The following MAGI2 variants were observed in gnomAD, a reference collection of about 807,000 sequenced individuals.
MAGI2 encodes the protein membrane-associated guanylate kinase, WW and PDZ domain-containing protein 2.
MAGI2 carries 35 observed loss-of-function variants against 133.3 expected under a neutral mutation model. The ratio of observed to expected loss-of-function variants is 0.26; its 90% confidence interval spans 0.20 to 0.35. The LOEUF (loss-of-function observed/expected upper bound fraction) is 0.35, where lower values mean the gene tolerates loss of function less well. Ranked by LOEUF, MAGI2 falls within the 10% of genes least tolerant of loss-of-function variation. The probability of loss-of-function intolerance (pLI) is 1.00; values close to 1 mark genes in which losing one functional copy is unlikely to be tolerated. For missense variants in MAGI2, 1,636 were observed against 1,863.4 expected, an observed-to-expected ratio of 0.88 and a Z score of 2.25; for synonymous variants, 729 against 710.6, an observed-to-expected ratio of 1.03 and a Z score of -0.41.
intron 1 of MAGI2, among the ~76,000 whole-genome samples, chr7:79,051,706 A>C (rs902170280): frequency 2.0e-5 from 3 of 152,210 alleles, no homozygotes; most frequent in Admixed American, 2.0e-4. Flanking sequence ...TATACAAGAA[A>C]AAATGTAATG....
intron 2 of MAGI2, among the ~76,000 whole-genome samples, chr7:78,655,408 AC>A (rs1812073016): frequency 6.7e-6 from 1 of 148,308 alleles, no homozygotes; most frequent in African/African-American, 2.5e-5. Context: ...TATACAAAAA[AC>A]AAAACAAAAC....
At chr7:78,586,422 C>T (rs1310801216) in intron 3 of MAGI2, among the ~76,000 whole-genome samples, 1 of 151,460 alleles carries the variant, frequency 6.6e-6, no homozygotes, top group Non-Finnish European at 1.5e-5. Context: ...CTGTGATTCT[C>T]TCCCTATGAT....
chr7:78,398,192 C>T (rs1583888155), intron 6 of MAGI2, among the ~76,000 whole-genome samples: 1 of 152,156 alleles, frequency 6.6e-6, no homozygotes. Flanking sequence ...AAAGACAAGT[C>T]AGAAATCGAA....
chr7:79,396,307 A>T (rs1395357241), intron 1 of MAGI2, among the ~76,000 whole-genome samples: 1 of 152,116 alleles, frequency 6.6e-6, no homozygotes, highest in Non-Finnish European at 1.5e-5. Context: ...GATGCAGAAG[A>T]CAATGAAGCC....
chr7:79,424,068 A>G (rs1043765296), intron 1 of MAGI2, among the ~76,000 whole-genome samples: 7 of 152,148 alleles, frequency 4.6e-5, no homozygotes, highest in African/African-American at 1.2e-4. Context: ...GAGAAAACAA[A>G]TTAATCACAG....
At chr7:79,057,529 A>T (rs966756604) in intron 1 of MAGI2, among the ~76,000 whole-genome samples, 2 of 152,220 alleles carry the variant, frequency 1.3e-5, no homozygotes, top group Admixed American at 6.5e-5. Flanking sequence ...AATTCAAAAT[A>T]TTAAGCAGTC....
At chr7:79,244,100 A>G (rs890987910) in intron 1 of MAGI2, among the ~76,000 whole-genome samples, 3 of 152,330 alleles carry the variant, frequency 2.0e-5, no homozygotes, top group South Asian at 2.1e-4. Flanking sequence ...CTAACCAATC[A>G]TGCCATTGGC....
intron 2 of MAGI2, among the ~76,000 whole-genome samples, chr7:78,875,802 G>A (rs1795373844): frequency 6.6e-6 from 1 of 152,092 alleles, no homozygotes; most frequent in Non-Finnish European, 1.5e-5. Context: ...TCAGCAGCTG[G>A]TCTAAATATG....
chr7:78,757,882 G>T (rs556265793), intron 2 of MAGI2, among the ~76,000 whole-genome samples: 2 of 152,058 alleles, frequency 1.3e-5, no homozygotes, highest in Admixed American at 6.6e-5. Context: ...ACTCCCAAAC[G>T]TGCATTTTAC....
intron 20 of MAGI2, among the ~76,000 whole-genome samples, chr7:78,088,895 T>G (rs1816908574): frequency 6.6e-6 from 1 of 152,166 alleles, no homozygotes; most frequent in Non-Finnish European, 1.5e-5. Flanking sequence ...TATCCAGGAT[T>G]GTTTGGGTGG....
At chr7:78,864,627 A>C (rs1338593693) in intron 2 of MAGI2, among the ~76,000 whole-genome samples, 1 of 152,192 alleles carries the variant, frequency 6.6e-6, no homozygotes, top group African/African-American at 2.4e-5. Flanking sequence ...CTTTAATAAC[A>C]GGTTGGAATT....
intron 1 of MAGI2, among the ~76,000 whole-genome samples, chr7:79,429,206 T>A (rs751815574): frequency 1.1e-4 from 17 of 152,148 alleles, no homozygotes; most frequent in Non-Finnish European, 1.5e-4. Context: ...TTGAATAAAA[T>A]CAAATTGTTT....
intron 21 of MAGI2, among the ~76,000 whole-genome samples, chr7:78,032,003 C>G (rs910592896): frequency 1.1e-4 from 14 of 123,154 alleles, no homozygotes; most frequent in African/African-American, 4.1e-4. Flanking sequence ...GGACAAAGCC[C>G]CCCCACTTTT....
At chr7:78,966,295 C>T (rs1411565279) in intron 2 of MAGI2, among the ~76,000 whole-genome samples, 4 of 152,016 alleles carry the variant, frequency 2.6e-5, no homozygotes, top group Non-Finnish European at 5.9e-5. Context: ...ATTCATCTTG[C>T]CTAACTGAAA....
At chr7:78,134,734 C>T (rs1477626861) in intron 17 of MAGI2, 2 of 274,506 alleles carry the variant, frequency 7.3e-6, no homozygotes, top group Middle Eastern at 1.1e-3. Context: ...AAAGTGGGGG[C>T]CCACAGGGAA....
chr7:78,514,003 G>A (rs986340008), intron 4 of MAGI2, among the ~76,000 whole-genome samples: 8 of 141,910 alleles, frequency 5.6e-5, no homozygotes, highest in Admixed American at 2.3e-4. Flanking sequence ...CAGGAGAATT[G>A]CTTGAACCCA....
At chr7:78,821,826 G>A (rs957783164) in intron 2 of MAGI2, among the ~76,000 whole-genome samples, 83 of 151,884 alleles carry the variant, frequency 5.5e-4, no homozygotes, top group African/African-American at 1.8e-3. Context: ...ACCTTTTAAA[G>A]TGTTCATCTG....
intron 1 of MAGI2, among the ~76,000 whole-genome samples, chr7:79,431,357 T>A (rs1847766969): frequency 6.6e-6 from 1 of 152,140 alleles, no homozygotes; most frequent in Admixed American, 6.5e-5. Flanking sequence ...AGAGAAAAAA[T>A]TTGATTTCTG....
At chr7:78,445,677 T>C (rs1398612054) in intron 6 of MAGI2, among the ~76,000 whole-genome samples, 3 of 152,068 alleles carry the variant, frequency 2.0e-5, no homozygotes, top group African/African-American at 7.2e-5. Context: ...ATTATAATAA[T>C]TTACTGGGAT....
Sources: gnomAD v4.1 joint callset for allele counts (sites outside exome capture counted in the v4.1 genomes callset) on GRCh38, gnomAD v4.1.1 for gene constraint, MANE v1.5 for transcripts, NCBI Gene and HGNC (gene_info 2026-07-23, HGNC 2026-07-21) for gene names.